The following CTNNA3 variants were observed in gnomAD, a reference collection of about 807,000 sequenced individuals.
The protein encoded by CTNNA3 is catenin alpha 3, also known as catenin alpha-3.
Under a neutral mutation model 95.7 loss-of-function variants are expected in CTNNA3, and 76 were observed. The observed-to-expected ratio is 0.79, with a 90% CI of 0.66 to 0.96. The LOEUF is 0.96. CTNNA3 is among the 40% of genes least tolerant of loss of function. CTNNA3 has a pLI of 0.00. For synonymous variants in CTNNA3, 431 were observed against 374.4 expected (o/e 1.15, Z -1.74); for missense variants, 1,191 against 1,089.8 (o/e 1.09, Z -1.31).
At chr10:66,931,562 G>A (rs544810486) in intron 7 of CTNNA3, among the ~76,000 whole-genome samples, 5 of 152,224 alleles carry the variant, frequency 3.3e-5, no homozygotes, top group South Asian at 2.1e-4. Flanking sequence ...TCTAGTGTCT[G>A]GTTAGACTAA....
chr10:66,304,135 A>T (rs1017372564), intron 12 of CTNNA3, among the ~76,000 whole-genome samples: 9 of 152,296 alleles, frequency 5.9e-5, no homozygotes, highest in Admixed American at 5.9e-4. Context: ...TAGGACAAAC[A>T]TATTGGGGGG....
rs71472402 is a variant in CTNNA3, at chr10:65,930,199, T to TAAAAA, written c.2401-9587_2401-9583dup. Among the ~76,000 whole-genome samples, 25 of 60,736 alleles carry TAAAAA rather than the reference T, an allele frequency of 4.1e-4. 1 individual carries two copies. The highest frequency in any genetic ancestry group is 8.3e-4 in the South Asian group (1 of 1,200). 39.8% of individuals were successfully genotyped at this position (60,736 alleles called of 152,430 possible). A position where few individuals can be genotyped will look rare whatever the true frequency, so the allele number is the denominator to read the frequency against. ...GGTGAGTGTATCAGTCAGAGCTCAG[T>TAAAAA]AAAAAAAAAAAAAAAAAAAAAAAAA... On this transcript the variant is annotated intron_variant, in intron 17 of 17. Transcript: ENST00000433211.
chr10:67,073,858 C>A (rs1361868300), intron 7 of CTNNA3, among the ~76,000 whole-genome samples: 1 of 152,124 alleles, frequency 6.6e-6, no homozygotes, highest in Non-Finnish European at 1.5e-5. Flanking sequence ...AATTCATTCT[C>A]ACAATTCAAT....
At chr10:67,673,794 A>AACGG (rs1840485939) in intron 1 of CTNNA3, among the ~76,000 whole-genome samples, 1 of 133,764 alleles carries the variant, frequency 7.5e-6, no homozygotes, top group Admixed American at 7.3e-5. Context: ...AGAAGTTAAT[A>AACGG]ACGGACGTCC....
chr10:67,321,398 T>C lies in CTNNA3; in HGVS notation c.580-101528A>G, dbSNP rs551093675. On this transcript the variant is annotated intron_variant, in intron 5 of 17. Transcript: ENST00000433211. Reference sequence around the variant, plus strand: ...CAGTTCTTTGATGGAAGCATTTATGTGATTCTACTCTTCATTCCTACTTAT... The same window carrying C: ...CAGTTCTTTGATGGAAGCATTTATGCGATTCTACTCTTCATTCCTACTTAT... 3.9e-5 allele frequency among the ~76,000 whole-genome samples: 6 copies of C among 152,332 alleles called. No individual in the cohort carries two copies. In the South Asian group the frequency reaches 1.2e-3, roughly 32 times the overall value.
intron 13 of CTNNA3, among the ~76,000 whole-genome samples, chr10:66,190,241 C>G (rs1243086437): frequency 3.3e-5 from 5 of 152,164 alleles, no homozygotes; most frequent in South Asian, 4.1e-4. Flanking sequence ...TCATCAAAAA[C>G]CATAGAGGCA....
intron 5 of CTNNA3, among the ~76,000 whole-genome samples, chr10:67,336,118 C>T (rs1589182049): frequency 1.3e-5 from 2 of 152,140 alleles, no homozygotes; most frequent in Non-Finnish European, 2.9e-5. Flanking sequence ...AACTTAATTA[C>T]TCAATGTTTT....
At chr10:66,165,615 G>A (rs1356970580) in intron 13 of CTNNA3, among the ~76,000 whole-genome samples, 1 of 151,856 alleles carries the variant, frequency 6.6e-6, no homozygotes, top group African/African-American at 2.4e-5. Flanking sequence ...GAGGAAAAAT[G>A]GTGAAATATA....
At chr10:66,802,517 T>C (rs908609848) in intron 7 of CTNNA3, among the ~76,000 whole-genome samples, 1 of 151,862 alleles carries the variant, frequency 6.6e-6, no homozygotes, top group Non-Finnish European at 1.5e-5. Context: ...GTGGAACAAT[T>C]TGGAACTCTC....
At chr10:67,751,227 T>C (rs1304307896) in intron 1 of CTNNA3, 5 of 1,271,694 alleles carry the variant, frequency 3.9e-6, no homozygotes, top group African/African-American at 2.9e-5. Flanking sequence ...CGATGCAGAA[T>C]ATTGAGGTTG....
intron 7 of CTNNA3, among the ~76,000 whole-genome samples, chr10:66,843,709 A>G (rs759977656): frequency 6.6e-6 from 1 of 152,198 alleles, no homozygotes; most frequent in Non-Finnish European, 1.5e-5. Context: ...ATCAGAAATT[A>G]CTTACTAACA....
At chr10:66,820,606 AG>A (rs1187797933) in intron 7 of CTNNA3, among the ~76,000 whole-genome samples, 1 of 151,518 alleles carries the variant, frequency 6.6e-6, no homozygotes, top group Non-Finnish European at 1.5e-5. Flanking sequence ...CTGAGAGAAA[AG>A]TATATGGTAA....
chr10:66,106,720 C>A (rs930698854), intron 13 of CTNNA3, among the ~76,000 whole-genome samples: 2 of 152,042 alleles, frequency 1.3e-5, no homozygotes, highest in African/African-American at 2.4e-5. Flanking sequence ...CAATATACAC[C>A]TTTATATTTT....
At chr10:67,138,093 T>C (rs1860383310) in intron 7 of CTNNA3, among the ~76,000 whole-genome samples, 1 of 152,094 alleles carries the variant, frequency 6.6e-6, no homozygotes, top group South Asian at 2.1e-4. Context: ...TGATTGTTTA[T>C]TTTTTCCCTT....
chr10:65,982,436 T>C (rs893179676), intron 16 of CTNNA3, among the ~76,000 whole-genome samples: 1 of 151,124 alleles, frequency 6.6e-6, no homozygotes, highest in Admixed American at 6.6e-5. Flanking sequence ...GTATGGAAAA[T>C]AGTGTGGAGA....
intron 1 of CTNNA3, among the ~76,000 whole-genome samples, chr10:67,721,705 C>A (rs1172303100): frequency 6.6e-6 from 1 of 152,024 alleles, no homozygotes; most frequent in Non-Finnish European, 1.5e-5. Flanking sequence ...CTTTTGCTGG[C>A]GAGGAGTTGT....
At chr10:66,900,556 TC>T (rs1845697767) in intron 7 of CTNNA3, among the ~76,000 whole-genome samples, 1 of 152,066 alleles carries the variant, frequency 6.6e-6, no homozygotes, top group Non-Finnish European at 1.5e-5. Context: ...CTTCAGAAAG[TC>T]GGTAATAACA....
chr10:67,436,473 G>A (rs1292107453), intron 5 of CTNNA3, among the ~76,000 whole-genome samples: 1 of 152,038 alleles, frequency 6.6e-6, no homozygotes, highest in Non-Finnish European at 1.5e-5. Flanking sequence ...TAAATAGCTG[G>A]GACCTAATCA....
intron 15 of CTNNA3, among the ~76,000 whole-genome samples, chr10:66,006,799 G>A (rs2078896128): frequency 6.6e-6 from 1 of 152,122 alleles, no homozygotes; most frequent in African/African-American, 2.4e-5. Context: ...CCTTCTTAAA[G>A]CCTACTGACT....
Sources: gnomAD v4.1 joint callset for allele counts (sites outside exome capture counted in the v4.1 genomes callset) on GRCh38, gnomAD v4.1.1 for gene constraint, MANE v1.5 for transcripts, NCBI Gene and HGNC (gene_info 2026-07-23, HGNC 2026-07-21) for gene names.